LRP1B: variants seen among roughly 807,000 people sequenced by gnomAD.
LRP1B encodes low-density lipoprotein receptor-related protein 1B.
A neutral mutation model predicts 556.6 loss-of-function variants in LRP1B; 217 were observed. The ratio of observed to expected loss-of-function variants is 0.39; its 90% confidence interval spans 0.35 to 0.44. The LOEUF is 0.44. LRP1B is among the 20% of genes least tolerant of loss of function. LRP1B has a pLI of 1.00. For missense variants in LRP1B, 5,053 were observed against 5,620.8 expected (o/e 0.90, Z 3.23); for synonymous variants, 2,047 against 1,865.8 (o/e 1.10, Z -2.50).
intron 20 of LRP1B, among the ~76,000 whole-genome samples, chr2:140,938,449 T>C (rs1695294572): frequency 6.6e-6 from 1 of 152,092 alleles, no homozygotes; most frequent in Non-Finnish European, 1.5e-5. Flanking sequence ...TTCATTACAG[T>C]GATCTGTAGT....
At chr2:140,906,810 C>T (rs1338623907) in intron 22 of LRP1B, among the ~76,000 whole-genome samples, 1 of 152,018 alleles carries the variant, frequency 6.6e-6, no homozygotes, top group Non-Finnish European at 1.5e-5. Flanking sequence ...AGTTTATCAT[C>T]TTTTATTTAT....
intron 2 of LRP1B, among the ~76,000 whole-genome samples, chr2:141,765,530 C>A (rs867119532): frequency 6.6e-6 from 1 of 151,984 alleles, no homozygotes; most frequent in African/African-American, 2.4e-5. Flanking sequence ...GCAATACCAA[C>A]AGAGACCAGG....
At chr2:140,705,205 G>T (rs1404427585) in intron 37 of LRP1B, among the ~76,000 whole-genome samples, 1 of 151,764 alleles carries the variant, frequency 6.6e-6, no homozygotes, top group Non-Finnish European at 1.5e-5. Flanking sequence ...TATAAGATGC[G>T]TAACAAAAAA....
chr2:141,023,309 G>A (rs1045331090), intron 11 of LRP1B, among the ~76,000 whole-genome samples: 3 of 151,776 alleles, frequency 2.0e-5, no homozygotes, highest in African/African-American at 7.3e-5. Context: ...TAATAATGAA[G>A]TGCGTGGTTT....
intron 41 of LRP1B, among the ~76,000 whole-genome samples, chr2:140,614,137 G>A (rs1683177053): frequency 6.6e-6 from 1 of 151,864 alleles, no homozygotes; most frequent in African/African-American, 2.4e-5. Context: ...TCTTGTTCAG[G>A]CCCCTACTTC....
chr2:140,566,660 G>A (rs1681137638), intron 43 of LRP1B, among the ~76,000 whole-genome samples: 1 of 152,120 alleles, frequency 6.6e-6, no homozygotes, highest in African/African-American at 2.4e-5. Flanking sequence ...AGTTTTGGCT[G>A]CACTTTGCCC....
intron 41 of LRP1B, among the ~76,000 whole-genome samples, chr2:140,634,469 G>A (rs868310287): frequency 1.1e-4 from 16 of 152,194 alleles, no homozygotes; most frequent in African/African-American, 3.4e-4. Flanking sequence ...TCAGGGAGAC[G>A]AAGCATAACT....
chr2:141,597,072 A>G (rs965056160), intron 2 of LRP1B, among the ~76,000 whole-genome samples: 26 of 151,040 alleles, frequency 1.7e-4, no homozygotes, highest in African/African-American at 5.9e-4. Context: ...ACACACACAC[A>G]CACACACACA....
intron 53 of LRP1B, among the ~76,000 whole-genome samples, chr2:140,503,755 A>T (rs959835893): frequency 6.6e-6 from 1 of 152,088 alleles, no homozygotes; most frequent in Non-Finnish European, 1.5e-5. Context: ...TTGTTTTATA[A>T]GAATTTTTTC....
chr2:140,604,058 T>C (rs1389064341), intron 41 of LRP1B, among the ~76,000 whole-genome samples: 1 of 152,012 alleles, frequency 6.6e-6, no homozygotes, highest in East Asian at 1.9e-4. Flanking sequence ...AAGGCAATTA[T>C]GTAGTTTGAA....
chr2:142,067,922 C>T (rs1705167141), intron 1 of LRP1B, among the ~76,000 whole-genome samples: 1 of 151,494 alleles, frequency 6.6e-6, no homozygotes, highest in South Asian at 2.1e-4. Context: ...AATAAATGTA[C>T]ACTTTGATAG....
chr2:141,167,690 C>A (rs1024860769), intron 7 of LRP1B, among the ~76,000 whole-genome samples: 6 of 151,700 alleles, frequency 4.0e-5, no homozygotes, highest in Non-Finnish European at 8.8e-5. Flanking sequence ...TTTTAAAAAT[C>A]TATTTATGTC....
chr2:140,823,406 T>C (rs1691394658), intron 31 of LRP1B, among the ~76,000 whole-genome samples: 2 of 152,146 alleles, frequency 1.3e-5, no homozygotes, highest in African/African-American at 4.8e-5. Context: ...TTGCAATAAG[T>C]AAATGAAATT....
At chr2:141,390,119 C>A (rs1248510840) in intron 3 of LRP1B, among the ~76,000 whole-genome samples, 1 of 152,044 alleles carries the variant, frequency 6.6e-6, no homozygotes, top group Non-Finnish European at 1.5e-5. Flanking sequence ...GCCTGGGGAA[C>A]AAGAGCGAAA....
At chr2:141,742,226 G>A (rs1558843161) in intron 2 of LRP1B, among the ~76,000 whole-genome samples, 1 of 149,004 alleles carries the variant, frequency 6.7e-6, no homozygotes, top group Admixed American at 6.7e-5. Context: ...CAGGTAATGT[G>A]ATTCCTCCAG....
At chr2:140,974,392 T>G (rs1168164892) in intron 18 of LRP1B, among the ~76,000 whole-genome samples, 4 of 152,230 alleles carry the variant, frequency 2.6e-5, no homozygotes, top group Non-Finnish European at 2.9e-5. Flanking sequence ...AATAAGCAAC[T>G]ATGAGTGAAT....
chr2:141,618,582 C>T (rs939144828), intron 2 of LRP1B, among the ~76,000 whole-genome samples: 15 of 152,150 alleles, frequency 9.9e-5, no homozygotes, highest in African/African-American at 3.1e-4. Flanking sequence ...TGGTCATTTA[C>T]ATGACCACCT....
chr2:141,801,408 C>T (rs1696001391), intron 2 of LRP1B, among the ~76,000 whole-genome samples: 1 of 152,104 alleles, frequency 6.6e-6, no homozygotes, highest in African/African-American at 2.4e-5. Flanking sequence ...CTTGCCTTGG[C>T]TTCCTTAAAC....
At chr2:141,860,116 C>A (rs753640561) in intron 1 of LRP1B, among the ~76,000 whole-genome samples, 5 of 152,114 alleles carry the variant, frequency 3.3e-5, no homozygotes, top group Non-Finnish European at 5.9e-5. Context: ...TCAATTTATC[C>A]TGCCTACTGA....
Sources: allele counts gnomAD v4.1 joint callset (sites outside exome capture counted in the v4.1 genomes callset), GRCh38; gene constraint gnomAD v4.1.1; transcripts MANE v1.5; gene names NCBI Gene and HGNC (gene_info 2026-07-23, HGNC 2026-07-21).